The following ABCB7 variants were observed in gnomAD, a reference collection of about 807,000 sequenced individuals.
ABCB7 encodes ATP binding cassette subfamily B member 7, also known as iron-sulfur clusters transporter ABCB7, mitochondrial.
In ABCB7, 7 loss-of-function variants were observed where a neutral mutation model predicts 54.4. The observed-to-expected ratio is 0.13, with a 90% confidence interval of 0.07 to 0.24. The LOEUF is 0.24. Among genes scored for constraint, ABCB7 ranks in the 10% least tolerant of loss-of-function variants. The pLI is 1.00. For synonymous variants in ABCB7, 218 were observed against 207.1 expected, an observed-to-expected ratio of 1.05 and a Z score of -0.45; for missense variants, 356 against 570.4, an observed-to-expected ratio of 0.62 and a Z score of 3.83.
At position 75,078,715 on chromosome X, in the gene ABCB7, T is replaced by C. The variant is rs779280843; in HGVS notation, c.454-2061A>G. ...TGTCTGGTAAGCAGCAGAGCTGAGA[T>C]TAAAATACAGGTCTGACACTTGAAG... On this transcript the variant is annotated intron_variant, in intron 4 of 15. Transcript: ENST00000373394. 3.6e-5 allele frequency among the ~76,000 whole-genome samples: 4 copies of C among 112,030 alleles called. No individual in the cohort carries two copies. In the South Asian group the frequency reaches 1.5e-3, roughly 42 times the overall value.
At chrX:75,070,218 C>A (rs2081353067) in intron 10 of ABCB7, 147 bp downstream of exon 10, 1 of 577,838 alleles carries the variant, frequency 1.7e-6, no homozygotes, top group African/African-American at 2.2e-5. Context: ...CCTCTTAATA[C>A]AGGTGATAGC....
intron 4 of ABCB7, 110 bp downstream of exon 4, chrX:75,098,832 T>C (rs2081614627): frequency 1.0e-6 from 1 of 996,923 alleles, no homozygotes; most frequent in Non-Finnish European, 1.4e-6. Flanking sequence ...ATGAGGGTCC[T>C]AAAAGTTGGT....
intron 15 of ABCB7, among the ~76,000 whole-genome samples, chrX:75,054,781 G>T (rs752172999): frequency 9.0e-6 from 1 of 110,757 alleles, no homozygotes; most frequent in African/African-American, 3.3e-5. Context: ...TTCTGAAATT[G>T]TATGATAATG....
chrX:75,156,102 C>T lies in ABCB7; in HGVS notation c.168+3G>A, dbSNP rs746168059. The T allele has an allele frequency of 1.7e-6, 2 of 1,210,348 alleles. No individual in the cohort carries two copies. Among genetic ancestry groups the T allele is most frequent in the South Asian group, 3.5e-5 (2 of 56,482 alleles). On this transcript the variant is annotated splice_donor_region_variant and intron_variant, in intron 1 of 15. Coordinates refer to ENST00000373394, the MANE Select transcript of ABCB7 (RefSeq NM_001271696.3). ...CTATTCTTCCATGTCAGTGGCATCT[C>T]ACCTGGTAGGCTCGAGCGGTTCCCA...
intron 1 of ABCB7, among the ~76,000 whole-genome samples, chrX:75,149,233 TA>T (rs2082114419): frequency 8.9e-6 from 1 of 112,048 alleles, no homozygotes; most frequent in South Asian, 3.7e-4. Flanking sequence ...AGTGTGCAGT[TA>T]AAATTTCTAC....
At chrX:75,103,879 T>C (rs1204763613) in intron 3 of ABCB7, among the ~76,000 whole-genome samples, 1 of 108,366 alleles carries the variant, frequency 9.2e-6, no homozygotes, top group Non-Finnish European at 1.9e-5. Context: ...GTGTAGTCTT[T>C]AGTTTTTTTC....
At chrX:75,062,258 G>A in intron 14 of ABCB7, 70 bp downstream of exon 14, 1 of 941,541 alleles carries the variant, frequency 1.1e-6, no homozygotes, top group Non-Finnish European at 1.5e-6. Flanking sequence ...AAGTAATGCA[G>A]CCATTTTACT....
chrX:75,076,917 T>C (rs781272216), intron 4 of ABCB7, among the ~76,000 whole-genome samples: 194 of 111,441 alleles, frequency 1.7e-3, no homozygotes, highest in African/African-American at 6.0e-3. Context: ...CATGAAATCA[T>C]CCCAGATCTG....
intron 4 of ABCB7, among the ~76,000 whole-genome samples, chrX:75,098,202 G>A (rs1351176992): frequency 1.8e-5 from 2 of 109,590 alleles, no homozygotes; most frequent in Admixed American, 9.7e-5. Context: ...CCAGCTACTC[G>A]GGAGGCTGAG....
chrX:75,099,079 A>G lies in ABCB7; in HGVS notation c.334-18T>C. 1 of 1,201,888 alleles carries G rather than the reference A, an allele frequency of 8.3e-7. No individual in the cohort carries two copies. The highest frequency in any genetic ancestry group is 1.1e-6 in the Non-Finnish European group (1 of 887,556). On this transcript the variant is annotated intron_variant, in intron 3 of 15. Coordinates refer to ENST00000373394, the MANE Select transcript of ABCB7 (RefSeq NM_001271696.3). ...TCTTTTAACTATTGAAAGAGAGAAAACAAAGCAGTGAATAACATGTCATTT... is the reference window on the plus strand; with the variant it reads ...TCTTTTAACTATTGAAAGAGAGAAAGCAAAGCAGTGAATAACATGTCATTT...
rs756316248 is a variant in ABCB7 at position 75,077,015 on chromosome X, AT to A, written c.454-362del. Among the ~76,000 whole-genome samples, 309 of 112,281 alleles carry A rather than the reference AT, an allele frequency of 2.8e-3. 1 individual carries two copies. The highest frequency in any genetic ancestry group is 5.0e-3 in the Non-Finnish European group (267 of 53,249). ...TGTCTTACACTGTAGTTATTTGTGT[AT>A]ATATTTCCCTTTCCTACTGGATCCT... On this transcript the variant is annotated intron_variant, in intron 4 of 15. Transcript: ENST00000373394.
At chrX:75,129,828 C>T (rs1315505036) in intron 1 of ABCB7, among the ~76,000 whole-genome samples, 3 of 110,738 alleles carry the variant, frequency 2.7e-5, no homozygotes, top group Non-Finnish European at 3.8e-5. Flanking sequence ...TAACAGCTAT[C>T]ACATAATCAT....
rs10626282 is a variant in ABCB7, at chrX:75,153,756, G to GTA, written c.168+2348_168+2349insTA. Among the ~76,000 whole-genome samples the GTA allele has an allele frequency of 5.2e-3, 475 of 91,856 alleles. 5 individuals are homozygous for GTA. Among genetic ancestry groups the GTA allele is most frequent in the African/African-American group, 0.015 (392 of 25,647 alleles). 79.8% of individuals were successfully genotyped at this position (91,856 alleles called of 115,157 possible). On this transcript the variant is annotated intron_variant, in intron 1 of 15. Transcript: ENST00000373394. ...TGTGTGTGTGTGTGTGCGTGTGTGT[G>GTA]TGTGTATATATATATATAAAATATA...
intron 12 of ABCB7, 148 bp from the exon 13 acceptor site, chrX:75,065,389 C>A (rs1346517990): frequency 9.4e-6 from 5 of 532,458 alleles, no homozygotes; most frequent in Non-Finnish European, 1.5e-5. Flanking sequence ...TCTGCAAAAT[C>A]CCATTCCCTT....
At chrX:75,145,063 C>G (rs181404212) in intron 1 of ABCB7, among the ~76,000 whole-genome samples, 1 of 110,365 alleles carries the variant, frequency 9.1e-6, no homozygotes, top group African/African-American at 3.3e-5. Flanking sequence ...CTGAACAGAC[C>G]AATAATGAGT....
intron 4 of ABCB7, among the ~76,000 whole-genome samples, chrX:75,096,180 C>T (rs1427274937): frequency 8.9e-6 from 1 of 112,143 alleles, no homozygotes; most frequent in Non-Finnish European, 1.9e-5. Flanking sequence ...CAATACTATG[C>T]TAAAAATGCA....
At position 75,066,566 on chromosome X, in the gene ABCB7, G is replaced by T. The variant is rs772531579; in HGVS notation, c.1660-1325C>A. Among the ~76,000 whole-genome samples, 4 of 110,798 alleles carry T rather than the reference G, an allele frequency of 3.6e-5. 1 individual carries two copies. In the South Asian group the frequency reaches 1.5e-3, roughly 42 times the overall value. On this transcript the variant is annotated intron_variant, in intron 12 of 15. Coordinates refer to ENST00000373394, the MANE Select transcript of ABCB7 (RefSeq NM_001271696.3). The stretch of plus-strand genomic sequence containing the variant: ...AGCTGCTCTAGTCACAAAAACATGG[G>T]TAACTGTGAGATGATGGACATGTTA...
At chrX:75,118,835 C>T (rs889187681) in intron 1 of ABCB7, among the ~76,000 whole-genome samples, 6 of 111,523 alleles carry the variant, frequency 5.4e-5, no homozygotes, top group African/African-American at 2.0e-4. Context: ...GATAACACTC[C>T]CATGGGGATG....
intron 4 of ABCB7, among the ~76,000 whole-genome samples, chrX:75,088,453 G>A (rs569564637): frequency 8.9e-6 from 1 of 111,737 alleles, no homozygotes; most frequent in Admixed American, 9.5e-5. Flanking sequence ...TAAACAGAGA[G>A]GAATCTCTAA....
Sources: gnomAD v4.1 joint callset for allele counts (sites outside exome capture counted in the v4.1 genomes callset) on GRCh38, gnomAD v4.1.1 for gene constraint, MANE v1.5 for transcripts, NCBI Gene and HGNC (gene_info 2026-07-23, HGNC 2026-07-21) for gene names.